Variants in CISH observed in about 807,000 individuals in gnomAD.
The protein encoded by CISH is cytokine-inducible SH2-containing protein.
In CISH, 11 loss-of-function variants were observed where a neutral mutation model predicts 21.3. That is an observed-to-expected ratio of 0.52 (90% CI 0.32 to 0.85). CISH has a LOEUF of 0.85. Ranked by LOEUF, CISH falls within the 40% of genes least tolerant of loss-of-function variation. CISH has a pLI of 0.03. For missense variants in CISH, 280 were observed against 351.7 expected, an observed-to-expected ratio of 0.80 and a Z score of 1.63; for synonymous variants, 118 against 142.3, an observed-to-expected ratio of 0.83 and a Z score of 1.22.
rs1254770366 is a variant in CISH, at chr3:50,608,494, C to G, written c.120G>C (p.Gly40=). ...CCTCTGCCACCTCCTCGAGGAAGGC[C>G]CCAGCAGGCAAGGGCTGCATGACTG... ...PKPVMQPLPA[G]AFLEEVAEGT... Residue 40 remains glycine, a synonymous_variant, in exon 2 of 3, where the codon GGG becomes GGC. Coordinates refer to ENST00000348721, the MANE Select transcript of CISH (RefSeq NM_145071.4). 1.2e-6 allele frequency: 2 copies of G among 1,612,508 alleles called. No individual in the cohort carries two copies. The highest frequency in any genetic ancestry group is 1.7e-6 in the Non-Finnish European group (2 of 1,179,416).
intron 1 of CISH, chr3:50,609,150 C>T (rs1387764734): frequency 6.6e-6 from 1 of 152,386 alleles, no homozygotes; most frequent in Admixed American, 6.5e-5. Flanking sequence ...AGGAGTGTCT[C>T]TCAGAGGGAC....
chr3:50,609,709 C>T (rs952594022), intron 1 of CISH: 2 of 152,260 alleles, frequency 1.3e-5, no homozygotes, highest in African/African-American at 2.4e-5. Flanking sequence ...CTCAGGACAC[C>T]GCCATAATGA....
rs2032237172 is a variant in CISH at position 50,608,671 on chromosome 3, A to C, written c.21-78T>G. 3.7e-6 allele frequency: 4 copies of C among 1,081,754 alleles called. No homozygotes were observed. In the East Asian group the frequency reaches 1.2e-4, roughly 31 times the overall value. The allele number at this position is 1,081,754 out of a possible 1,614,324, so 67.0% of individuals were successfully genotyped here. A position where few individuals can be genotyped will look rare whatever the true frequency, so the allele number is the denominator to read the frequency against. On this transcript the variant is annotated intron_variant, in intron 1 of 2. Coordinates refer to ENST00000348721, the MANE Select transcript of CISH (RefSeq NM_145071.4). ...CAGAGACCCCCCTATGCCCCAGACT[A>C]GTTTCATGACCTCTGGCTGGCCCAT...
chr3:50,611,257 G>T, intron 1 of CISH: 1 of 1,130,916 alleles, frequency 8.8e-7, no homozygotes, highest in Non-Finnish European at 1.1e-6. Context: ...CTAGCAGGCA[G>T]GGCAGCAGGC....
Position 50,608,432 on chromosome 3 carries a change from A to G in CISH, c.182T>C (p.Leu61Pro). Residue 61 changes from leucine to proline, a missense_variant, in exon 2 of 3, where the codon CTG becomes CCG. Coordinates refer to ENST00000348721, the MANE Select transcript of CISH (RefSeq NM_145071.4). ...PAQTESEPKV[L>P]DPEEDLLCIA... is the part of the protein sequence containing the mutation. ...GCACAGCAGATCCTCCTCTGGGTCC[A>G]GCACCTTTGGCTCACTCTCTGTCTG... 1.2e-6 allele frequency: 2 copies of G among 1,613,770 alleles called. No individual in the cohort carries two copies. The highest frequency in any genetic ancestry group is 8.5e-7 in the Non-Finnish European group (1 of 1,179,836).
rs1235493431 is a variant in CISH at position 50,610,633 on chromosome 3, G to C, written c.20+998C>G. Reference sequence around the variant, plus strand: ...AGGTATTCAGGAGTCCCAGAATGCAGACAGGAGGAAGGAACTTGCTGGAGA... The same window carrying C: ...AGGTATTCAGGAGTCCCAGAATGCACACAGGAGGAAGGAACTTGCTGGAGA... On this transcript the variant is annotated intron_variant, in intron 1 of 2. Transcript: ENST00000348721. 4 of 1,437,608 alleles carry C rather than the reference G, an allele frequency of 2.8e-6. No homozygotes were observed. The African/African-American group carries it at 4.3e-5, about 15-fold the overall frequency. 89.1% of individuals were successfully genotyped at this position (1,437,608 alleles called of 1,614,324 possible).
In CISH at chr3:50,608,499, C is replaced by T. The variant is rs751038035; in HGVS notation, c.115G>A (p.Ala39Thr). The T allele has an allele frequency of 6.2e-5, 100 of 1,611,840 alleles. No homozygotes were observed. Among genetic ancestry groups the T allele is most frequent in the Middle Eastern group, 4.9e-4 (3 of 6,068 alleles). The change falls in exon 2 of 3, where the codon GCT (alanine) becomes ACT (threonine). Residue 39 changes from alanine to threonine, a missense_variant. By Grantham distance (58) the Ala-to-Thr change is moderately conservative (BLOSUM62 0). Transcript: ENST00000348721. ...LPKPVMQPLP[A>T]GAFLEEVAEG... The stretch of plus-strand genomic sequence containing the variant: ...GCCACCTCCTCGAGGAAGGCCCCAG[C>T]AGGCAAGGGCTGCATGACTGGCTTG...
intron 1 of CISH, 199 bp downstream of exon 1, chr3:50,611,432 A>T: frequency 7.3e-7 from 1 of 1,368,258 alleles, no homozygotes; most frequent in Non-Finnish European, 9.4e-7. Flanking sequence ...CCCAATCCAC[A>T]GTGGGAATTG....
chr3:50,611,566 C>T, intron 1 of CISH, 65 bp downstream of exon 1: 2 of 1,524,632 alleles, frequency 1.3e-6, no homozygotes, highest in South Asian at 1.2e-5. Context: ...GCAGCTAGCA[C>T]GAAGCCCCTG....
intron 1 of CISH, chr3:50,610,246 G>T (rs992691198): frequency 9.2e-7 from 1 of 1,085,808 alleles, no homozygotes. Flanking sequence ...TCTGTGGGTG[G>T]CCACGTCCAG....
rs1233469955 is a variant in CISH, at chr3:50,607,937, G to A, written c.447C>T (p.Arg149=). The A allele has an allele frequency of 1.2e-6, 2 of 1,613,862 alleles. No homozygotes were observed. Reference sequence around the variant, plus strand: ...TGACCACATCCGGAAAGGCCAGGATGCGTGGCCTGGACAAGCAGTTGGAGT... The same window carrying A: ...TGACCACATCCGGAAAGGCCAGGATACGTGGCCTGGACAAGCAGTTGGAGT... ...RLDSNCLSRP[R]ILAFPDVVSL... is the part of the protein sequence containing the mutation. Residue 149 remains arginine, a synonymous_variant, in exon 3 of 3, where the codon CGC becomes CGT. Transcript: ENST00000348721.
Position 50,607,502 on chromosome 3 carries a change from G to A in CISH, c.*105C>T. ...TGGGCCAGCTGCCAGAGGTATGCAGGCACCAGGATGCCTGGAGGAGGGACA... is the reference window on the plus strand; with the variant it reads ...TGGGCCAGCTGCCAGAGGTATGCAGACACCAGGATGCCTGGAGGAGGGACA... On this transcript the variant is annotated 3_prime_UTR_variant, in exon 3 of 3. Coordinates refer to ENST00000348721, the MANE Select transcript of CISH (RefSeq NM_145071.4). 1.3e-5 allele frequency: 16 copies of A among 1,205,778 alleles called. No individual in the cohort carries two copies. Among genetic ancestry groups the A allele is most frequent in the Non-Finnish European group, 1.9e-5 (16 of 859,854 alleles). The allele number at this position is 1,205,778 out of a possible 1,614,324, so 74.7% of individuals were successfully genotyped here. A position where few individuals can be genotyped will look rare whatever the true frequency, so the allele number is the denominator to read the frequency against.
rs1312474325 is a variant in CISH at position 50,607,665 on chromosome 3, C to T, written c.719G>A (p.Cys240Tyr). The change falls in exon 3 of 3, where the codon TGC becomes TAC. Residue 240 changes from cysteine to tyrosine, a missense_variant. Cys to Tyr is a radical substitution (Grantham distance 194, BLOSUM62 -2). Transcript: ENST00000348721. The part of the protein sequence containing the change: ...VINRLVADVD[C>Y]LPLPRRMADY... The stretch of plus-strand genomic sequence containing the variant: ...GGCCATGCGCCGGGGCAGTGGCAGG[C>T]AGTCCACGTCGGCCACCAGACGGTT... The T allele has an allele frequency of 8.7e-6, 14 of 1,613,464 alleles. No individual in the cohort carries two copies. The highest frequency in any genetic ancestry group is 1.0e-5 in the Non-Finnish European group (12 of 1,179,968).
In CISH at chr3:50,606,758, C is replaced by T. The variant is rs890179534; in HGVS notation, c.*849G>A. ...ACAGCACAGGCACTCCCCCCGGGGC[C>T]TGCGCCACAGTGAGACCAGCTCTAT... On this transcript the variant is annotated 3_prime_UTR_variant, in exon 3 of 3. Transcript: ENST00000348721. 1 of 152,326 alleles carries T rather than the reference C, an allele frequency of 6.6e-6. No homozygotes were observed. Among genetic ancestry groups the T allele is most frequent in the South Asian group, 2.1e-4 (1 of 4,834 alleles). The allele number at this position is 152,326 out of a possible 1,614,324, so 9.4% of individuals were successfully genotyped here. A position where few individuals can be genotyped will look rare whatever the true frequency, so the allele number is the denominator to read the frequency against.
chr3:50,606,627 A>G lies in CISH; in HGVS notation c.*980T>C, dbSNP rs564262631. On this transcript the variant is annotated 3_prime_UTR_variant, in exon 3 of 3. Transcript: ENST00000348721. ...TATAATTATTATTTCATGAAGTCTT[A>G]TCAGACGTGTATTTCTCTCCTCTCA... The G allele has an allele frequency of 1.3e-5, 2 of 152,350 alleles. No individual in the cohort carries two copies. Among genetic ancestry groups the G allele is most frequent in the African/African-American group, 4.8e-5 (2 of 41,570 alleles). The allele number at this position is 152,350 out of a possible 1,614,324, so 9.4% of individuals were successfully genotyped here.
rs774081733 is a variant in CISH, at chr3:50,607,636, A to G, written c.748T>C (p.Tyr250His). 1 of 1,613,374 alleles carries G rather than the reference A, an allele frequency of 6.2e-7. No homozygotes were observed. Among genetic ancestry groups the G allele is most frequent in the Non-Finnish European group, 8.5e-7 (1 of 1,179,896 alleles). The change falls in exon 3 of 3, where the codon TAC becomes CAC. Residue 250 changes from tyrosine to histidine, a missense_variant. Physicochemically the swap from Tyr to His is moderately conservative, Grantham distance 83. Transcript: ENST00000348721. ...AGCTGGAAGGGGTACTGTCGGAGGT[A>G]GTCGGCCATGCGCCGGGGCAGTGGC... ...CLPLPRRMAD[Y>H]LRQYPFQL
chr3:50,607,841 G>T lies in CISH; in HGVS notation c.543C>A (p.Thr181=), dbSNP rs1008205104. ...TRSDSPDPAP[T]PALPMPKEDA... ...CCTCCTTAGGCATAGGCAGGGCCGG[G>T]GTGGGAGCAGGATCGGGGCTGTCGC... is the stretch of plus-strand genomic sequence containing the variant. Residue 181 remains threonine (T), a synonymous_variant, in exon 3 of 3, where the codon ACC becomes ACA. Transcript: ENST00000348721. 2 of 1,613,894 alleles carry T rather than the reference G, an allele frequency of 1.2e-6. No individual in the cohort carries two copies. The highest frequency in any genetic ancestry group is 8.5e-7 in the Non-Finnish European group (1 of 1,179,996).
rs959136726 is a variant in CISH at position 50,607,375 on chromosome 3, C to G, written c.*232G>C. 3.6e-6 allele frequency: 2 copies of G among 560,718 alleles called. No individual in the cohort carries two copies. Among genetic ancestry groups the G allele is most frequent in the East Asian group, 5.8e-5 (2 of 34,282 alleles). The allele number at this position is 560,718 out of a possible 1,614,324, so 34.7% of individuals were successfully genotyped here. ...TCCTGCCTGTCTCCCCATCCTCTGA[C>G]ACATGGCTCAGTATAATGAAGCCAC... On this transcript the variant is annotated 3_prime_UTR_variant, in exon 3 of 3. Transcript: ENST00000348721.
chr3:50,608,567 C>T lies in CISH; in HGVS notation c.47G>A (p.Arg16Gln), dbSNP rs561018699. Reference sequence around the variant, plus strand: ...GGCCCACAGGGGCCGCTGCCCAGTCCGCTCCACAGCCAGCAAAGGACGAGG... The same window carrying T: ...GGCCCACAGGGGCCGCTGCCCAGTCTGCTCCACAGCCAGCAAAGGACGAGG... ...QGPRPLLAVE[R>Q]TGQRPLWAPS... Residue 16 changes from arginine to glutamine, a missense_variant, in exon 2 of 3, where the codon CGG (arginine) becomes CAG (glutamine). Physicochemically the swap from Arg to Gln is conservative, Grantham distance 43. Transcript: ENST00000348721. 42 of 1,552,118 alleles carry T rather than the reference C, an allele frequency of 2.7e-5. No homozygotes were observed. Among genetic ancestry groups the T allele is most frequent in the South Asian group, 1.2e-4 (10 of 81,820 alleles).
Sources: allele counts gnomAD v4.1 joint callset, GRCh38; gene constraint gnomAD v4.1.1; transcripts MANE v1.5; gene names NCBI Gene and HGNC (gene_info 2026-07-23, HGNC 2026-07-21).